TESK2: variants seen among roughly 807,000 people sequenced by gnomAD.
TESK2 encodes the protein testis associated actin remodelling kinase 2.
Under a neutral mutation model 57.1 loss-of-function variants are expected in TESK2, and 39 were observed. The observed-to-expected ratio is 0.68, with a 90% CI of 0.53 to 0.89. The LOEUF (loss-of-function observed/expected upper bound fraction) is 0.89, where lower values mean the gene tolerates loss of function less well. Ranked by LOEUF, TESK2 falls within the 40% of genes least tolerant of loss-of-function variation. The pLI, the probability that TESK2 is intolerant of heterozygous loss-of-function variation, is 0.00. For missense variants in TESK2, 646 were observed against 732.1 expected (o/e 0.88, Z 1.36); for synonymous variants, 249 against 267.9 (o/e 0.93, Z 0.69).
At chr1:45,392,671 G>A (rs190234554) in intron 3 of TESK2, among the ~76,000 whole-genome samples, 7 of 152,058 alleles carry the variant, frequency 4.6e-5, no homozygotes, top group East Asian at 3.9e-4. Context: ...ATTGCACTCC[G>A]GCCTGGGCAA....
At chr1:45,460,033 T>C (rs1652267744) in intron 1 of TESK2, among the ~76,000 whole-genome samples, 1 of 151,854 alleles carries the variant, frequency 6.6e-6, no homozygotes, top group Non-Finnish European at 1.5e-5. Flanking sequence ...AACATAAAGA[T>C]GGGAACAACA....
At chr1:45,459,177 G>A (rs117290772) in intron 1 of TESK2, among the ~76,000 whole-genome samples, 2 of 152,208 alleles carry the variant, frequency 1.3e-5, no homozygotes, top group African/African-American at 4.8e-5. Context: ...AAATAGTCCA[G>A]TCTCAATATG....
At chr1:45,437,869 A>C (rs1651294863) in intron 2 of TESK2, among the ~76,000 whole-genome samples, 1 of 152,208 alleles carries the variant, frequency 6.6e-6, no homozygotes, top group Non-Finnish European at 1.5e-5. Context: ...AGACAAGCAA[A>C]GCTTCTTGGT....
intron 4 of TESK2, among the ~76,000 whole-genome samples, chr1:45,358,110 G>A (rs555197075): frequency 4.6e-5 from 7 of 150,778 alleles, no homozygotes; most frequent in East Asian, 3.9e-4. Context: ...TCAGGAGATC[G>A]AGACCGTCCT....
chr1:45,462,309 G>A (rs1396736734), intron 1 of TESK2, among the ~76,000 whole-genome samples: 5 of 151,320 alleles, frequency 3.3e-5, no homozygotes, highest in African/African-American at 7.3e-5. Flanking sequence ...GTCTCGCTCT[G>A]TCGCCCAGGA....
chr1:45,381,989 G>A (rs1648673244), intron 4 of TESK2, among the ~76,000 whole-genome samples: 1 of 149,488 alleles, frequency 6.7e-6, no homozygotes, highest in Admixed American at 6.8e-5. Flanking sequence ...TCCTGTCTCA[G>A]CCTCCCAAGT....
chr1:45,415,810 TC>T (rs1346569585), intron 3 of TESK2, among the ~76,000 whole-genome samples: 4 of 152,158 alleles, frequency 2.6e-5, no homozygotes, highest in Non-Finnish European at 5.9e-5. Context: ...AGGATTTGAA[TC>T]CAGGCAGTTT....
chr1:45,476,025 C>T lies in TESK2; in HGVS notation c.-87+14827G>A, dbSNP rs564996573. Among the ~76,000 whole-genome samples, 8 of 152,306 alleles carry T rather than the reference C, an allele frequency of 5.3e-5. No homozygotes were observed. The South Asian group carries it at 1.7e-3, about 32-fold the overall frequency. ...GACTGATTTGTCACTGGCTTCCTTG[C>T]TCCTCAACTTGCAGACGGCCTATCG... On this transcript the variant is annotated intron_variant, in intron 1 of 10. Coordinates refer to ENST00000372086, the MANE Select transcript of TESK2 (RefSeq NM_007170.3).
rs1652158209 is a variant in TESK2, at chr1:45,457,600, T to C, written c.186A>G (p.Glu62=). ...CAGAAAAGAAGCCAGACCCTATTTTTTCACAGGTGAAATCATCCAAACGCG... is the reference window on the plus strand; with the variant it reads ...CAGAAAAGAAGCCAGACCCTATTTTCTCACAGGTGAAATCATCCAAACGCG... ...RLTRLDDFTC[E]KIGSGFFSEV... The change falls in exon 2 of 11, where the codon GAA becomes GAG. Residue 62 remains glutamate (E), a synonymous_variant. Transcript: ENST00000372086. 6.2e-7 allele frequency: 1 copy of C among 1,614,138 alleles called. No individual in the cohort carries two copies. The highest frequency in any genetic ancestry group is 8.5e-7 in the Non-Finnish European group (1 of 1,180,012).
At chr1:45,410,465 C>T (rs1190081476) in intron 3 of TESK2, among the ~76,000 whole-genome samples, 1 of 150,314 alleles carries the variant, frequency 6.7e-6, no homozygotes, top group African/African-American at 2.5e-5. Flanking sequence ...ATTAGCTGGG[C>T]ATGGTGGCGC....
chr1:45,442,352 T>C (rs1407875059), intron 2 of TESK2, among the ~76,000 whole-genome samples: 1 of 152,186 alleles, frequency 6.6e-6, no homozygotes, highest in East Asian at 1.9e-4. Flanking sequence ...CCAGGTTTTA[T>C]AGTTTTCACA....
intron 1 of TESK2, among the ~76,000 whole-genome samples, chr1:45,469,705 T>TTCAA (rs985475425): frequency 2.1e-4 from 32 of 152,182 alleles, no homozygotes; most frequent in African/African-American, 7.7e-4. Context: ...CCTTCAGTCA[T>TTCAA]TCAATCACAT....
intron 2 of TESK2, among the ~76,000 whole-genome samples, chr1:45,444,437 T>C (rs1402350605): frequency 1.3e-5 from 2 of 152,222 alleles, no homozygotes; most frequent in African/African-American, 4.8e-5. Context: ...AGCTTTCTTC[T>C]ATTTTGTAAT....
intron 2 of TESK2, among the ~76,000 whole-genome samples, chr1:45,422,147 G>A (rs1297052258): frequency 6.6e-6 from 1 of 152,166 alleles, no homozygotes; most frequent in Admixed American, 6.5e-5. Flanking sequence ...CCTTTGCAGG[G>A]ACATAAATGA....
chr1:45,376,433 G>C (rs1648430646), intron 4 of TESK2, among the ~76,000 whole-genome samples: 1 of 150,960 alleles, frequency 6.6e-6, no homozygotes, highest in Non-Finnish European at 1.5e-5. Flanking sequence ...TGGCCAGGCT[G>C]GTCTTGTACT....
intron 2 of TESK2, among the ~76,000 whole-genome samples, chr1:45,444,086 G>C (rs1192161444): frequency 1.3e-5 from 2 of 152,022 alleles, no homozygotes; most frequent in East Asian, 3.9e-4. Flanking sequence ...AGCTAAGATG[G>C]GAGGATCCCT....
intron 5 of TESK2, among the ~76,000 whole-genome samples, chr1:45,353,972 G>A (rs1647304533): frequency 6.6e-6 from 1 of 152,160 alleles, no homozygotes; most frequent in South Asian, 2.1e-4. Flanking sequence ...CAGAAAATGG[G>A]TCAGTACATA....
intron 4 of TESK2, among the ~76,000 whole-genome samples, chr1:45,357,348 G>A (rs1223799101): frequency 1.3e-5 from 2 of 152,002 alleles, no homozygotes; most frequent in Non-Finnish European, 1.5e-5. Flanking sequence ...CCATGAATGA[G>A]GAAGACGAGC....
At chr1:45,473,687 C>T (rs1484566069) in intron 1 of TESK2, among the ~76,000 whole-genome samples, 1 of 152,132 alleles carries the variant, frequency 6.6e-6, no homozygotes, top group Non-Finnish European at 1.5e-5. Flanking sequence ...GTACACACTA[C>T]TATGTTCAAA....
Sources: gnomAD v4.1 joint callset for allele counts (sites outside exome capture counted in the v4.1 genomes callset) on GRCh38, gnomAD v4.1.1 for gene constraint, MANE v1.5 for transcripts, NCBI Gene and HGNC (gene_info 2026-07-23, HGNC 2026-07-21) for gene names.